VAC14: variants seen among roughly 807,000 people sequenced by gnomAD.
VAC14 encodes protein VAC14 homolog.
A neutral mutation model predicts 85.3 loss-of-function variants in VAC14; 47 were observed. The observed-to-expected ratio is 0.55, with a 90% CI of 0.44 to 0.70. VAC14 has a LOEUF of 0.70. Among genes scored for constraint, VAC14 ranks in the 30% least tolerant of loss-of-function variants. The pLI is 0.00. For missense variants in VAC14, 861 were observed against 1,004.3 expected, an observed-to-expected ratio of 0.86 and a Z score of 1.93; for synonymous variants, 447 against 430.5, an observed-to-expected ratio of 1.04 and a Z score of -0.47.
At chr16:70,734,599 T>C (rs1298310889) in intron 13 of VAC14, among the ~76,000 whole-genome samples, 1 of 152,192 alleles carries the variant, frequency 6.6e-6, no homozygotes, top group African/African-American at 2.4e-5. Context: ...CTGGTCTATT[T>C]TGAGTTACTT....
At chr16:70,795,770 T>C (rs1445322299) in intron 1 of VAC14, among the ~76,000 whole-genome samples, 1 of 152,226 alleles carries the variant, frequency 6.6e-6, no homozygotes, top group Non-Finnish European at 1.5e-5. Context: ...TTGCTGGCTT[T>C]GAACTCAAAG....
intron 9 of VAC14, chr16:70,778,481 C>G (rs2033638967): frequency 6.6e-6 from 1 of 152,018 alleles, no homozygotes; most frequent in African/African-American, 2.4e-5. Context: ...AAAAATTTCA[C>G]CATTTTCAAA....
chr16:70,750,093 G>A (rs925562596), intron 12 of VAC14, among the ~76,000 whole-genome samples: 3 of 152,170 alleles, frequency 2.0e-5, no homozygotes, highest in Non-Finnish European at 1.5e-5. Context: ...CGATCTCAGT[G>A]GCCTGGCTTA....
intron 9 of VAC14, among the ~76,000 whole-genome samples, chr16:70,776,631 T>C (rs2033532299): frequency 6.6e-6 from 1 of 152,210 alleles, no homozygotes; most frequent in Non-Finnish European, 1.5e-5. Context: ...GGTCTCGCTA[T>C]ATTGCCCAGG....
chr16:70,692,152 G>C, intron 18 of VAC14: 1 of 953,546 alleles, frequency 1.0e-6, no homozygotes, highest in Non-Finnish European at 1.2e-6. Context: ...CTCTGGGGTA[G>C]GGGCCAGCCG....
chr16:70,688,816 G>A, intron 18 of VAC14: 1 of 985,638 alleles, frequency 1.0e-6, no homozygotes, highest in Non-Finnish European at 1.2e-6. Context: ...GCTTGCCCCT[G>A]GCGATGAGAT....
intron 12 of VAC14, among the ~76,000 whole-genome samples, chr16:70,754,809 G>A (rs1467366554): frequency 2.0e-5 from 3 of 152,164 alleles, no homozygotes; most frequent in African/African-American, 7.2e-5. Context: ...GGGGTGGAGG[G>A]GTGTTTTTGT....
Position 70,762,678 on chromosome 16 carries a change from GCTGGTGTGCACGGACCCA to G in VAC14, c.1306-91_1306-74del. ...GGGACTACGTGCAGTGCAGTGTCCCGCTGGTGTGCACGGACCCACTGGTCTGCACGGACCACTTCCCTC... is the reference window on the plus strand; with the variant it reads ...GGGACTACGTGCAGTGCAGTGTCCCGCTGGTCTGCACGGACCACTTCCCTC... On this transcript the variant is annotated intron_variant, in intron 11 of 18. Transcript: ENST00000261776. This position sits in a 1 kb window ranked among gnomAD's most constrained non-coding sequence, Gnocchi z 4.1. 1 of 1,550,972 alleles carries G rather than the reference GCTGGTGTGCACGGACCCA, an allele frequency of 6.4e-7. No homozygotes were observed. Among genetic ancestry groups the G allele is most frequent in the Non-Finnish European group, 8.8e-7 (1 of 1,129,986 alleles).
At chr16:70,778,476 T>C (rs2033638570) in intron 9 of VAC14, 1 of 152,098 alleles carries the variant, frequency 6.6e-6, no homozygotes, top group Admixed American at 6.6e-5. Flanking sequence ...ATAACAAAAA[T>C]TTCACCATTT....
chr16:70,713,907 CCG>C (rs1295512956), intron 14 of VAC14: 1 of 152,222 alleles, frequency 6.6e-6, no homozygotes, highest in Non-Finnish European at 1.5e-5. Context: ...TGTGGGAAGC[CCG>C]AACCTGGGCC....
At chr16:70,790,738 A>G (rs1468411669) in intron 1 of VAC14, among the ~76,000 whole-genome samples, 1 of 152,042 alleles carries the variant, frequency 6.6e-6, no homozygotes, top group Non-Finnish European at 1.5e-5. Flanking sequence ...CTCCCCCACC[A>G]GAGTCCTACT....
intron 1 of VAC14, among the ~76,000 whole-genome samples, chr16:70,794,029 G>T (rs1478585182): frequency 6.6e-6 from 1 of 152,198 alleles, no homozygotes; most frequent in South Asian, 2.1e-4. Flanking sequence ...AGAAGCAAGA[G>T]TCAGTGACAG....
At position 70,751,036 on chromosome 16, in the gene VAC14, C is replaced by T. The variant is rs559503143; in HGVS notation, c.1372-6457G>A. On this transcript the variant is annotated intron_variant, in intron 12 of 18. Transcript: ENST00000261776. ...TGAATAAATACTTGCTGACCTGCAG[C>T]GTTGGACAGGAAATGGAAGATGGAT... Among the ~76,000 whole-genome samples the T allele has an allele frequency of 2.0e-3, 297 of 152,290 alleles. 2 individuals are homozygous for T. Among genetic ancestry groups the T allele is most frequent in the African/African-American group, 6.1e-3 (252 of 41,560 alleles).
At chr16:70,697,974 C>T (rs2053747739) in intron 15 of VAC14, among the ~76,000 whole-genome samples, 1 of 122,572 alleles carries the variant, frequency 8.2e-6, no homozygotes, top group Non-Finnish European at 1.9e-5. Context: ...CCCCGCACGG[C>T]CTCTGCAGCC....
chr16:70,787,133 C>A (rs1467361597), intron 1 of VAC14, among the ~76,000 whole-genome samples: 5 of 152,154 alleles, frequency 3.3e-5, no homozygotes, highest in Non-Finnish European at 7.4e-5. Flanking sequence ...ACACGCTCAG[C>A]CCCATGTTCC....
Position 70,782,005 on chromosome 16 carries a change from T to C in VAC14, c.812-2A>G, listed in dbSNP as rs747170706. 1 of 1,613,242 alleles carries C rather than the reference T, an allele frequency of 6.2e-7. No homozygotes were observed. Among genetic ancestry groups the C allele is most frequent in the East Asian group, 2.2e-5 (1 of 44,856 alleles). On this transcript the variant is annotated splice_acceptor_variant, in intron 7 of 18. Transcript: ENST00000261776. LOFTEE classifies it high-confidence loss of function. ...TGGCTGTCAGCTGGATGAGGTCATCTGGAAGGGGAATCAGGGGGTTCAGAG... is the reference window on the plus strand; with the variant it reads ...TGGCTGTCAGCTGGATGAGGTCATCCGGAAGGGGAATCAGGGGGTTCAGAG...
At chr16:70,715,971 T>G (rs1452576345) in intron 14 of VAC14, 1 of 152,208 alleles carries the variant, frequency 6.6e-6, no homozygotes, top group African/African-American at 2.4e-5. Context: ...CCAAACCACA[T>G]TTCAGGCAGC....
At chr16:70,792,787 C>T (rs1257646351) in intron 1 of VAC14, among the ~76,000 whole-genome samples, 1 of 152,186 alleles carries the variant, frequency 6.6e-6, no homozygotes, top group Non-Finnish European at 1.5e-5. Flanking sequence ...AGCACAGTGA[C>T]AGTCGCAAGA....
chr16:70,798,907 A>T (rs1193257176), intron 1 of VAC14, among the ~76,000 whole-genome samples: 3 of 152,216 alleles, frequency 2.0e-5, no homozygotes, highest in Non-Finnish European at 4.4e-5. Flanking sequence ...GATAAATAAA[A>T]CAGATACATA....
Sources: allele counts gnomAD v4.1 joint callset (sites outside exome capture counted in the v4.1 genomes callset), GRCh38; gene constraint gnomAD v4.1.1; non-coding constraint Gnocchi (gnomAD v3.1); transcripts MANE v1.5; gene names NCBI Gene and HGNC (gene_info 2026-07-23, HGNC 2026-07-21).